ALPK1: variants seen among roughly 807,000 people sequenced by gnomAD.
The protein encoded by ALPK1 is alpha kinase 1.
Under a neutral mutation model 120.6 loss-of-function variants are expected in ALPK1, and 110 were observed. The observed-to-expected ratio is 0.91, with a 90% CI of 0.78 to 1.07. The LOEUF is 1.07. Ranked by LOEUF, ALPK1 falls within the 50% of genes least tolerant of loss-of-function variation. The pLI, the probability that ALPK1 is intolerant of heterozygous loss-of-function variation, is 0.00. For synonymous variants in ALPK1, 582 were observed against 560.3 expected, an observed-to-expected ratio of 1.04 and a Z score of -0.55; for missense variants, 1,498 against 1,483.9, an observed-to-expected ratio of 1.01 and a Z score of -0.16.
At chr4:112,362,224 C>T (rs950131664) in intron 2 of ALPK1, among the ~76,000 whole-genome samples, 1 of 152,124 alleles carries the variant, frequency 6.6e-6, no homozygotes, top group Non-Finnish European at 1.5e-5. Flanking sequence ...AGCAATGGAT[C>T]CAAACCAAGA....
rs751831746 is a variant in ALPK1, at chr4:112,432,421, G to A, written c.2874G>A (p.Trp958Ter). 2 of 1,614,132 alleles carry A rather than the reference G, an allele frequency of 1.2e-6. No homozygotes were observed. Among genetic ancestry groups the A allele is most frequent in the East Asian group, 4.5e-5 (2 of 44,876 alleles). ...WSYLNSSGSSWVSLPGKMRKE... is the reference protein window; with the variant it reads ...WSYLNSSGSS The stretch of plus-strand genomic sequence containing the variant: ...ATCTGAATTCCAGTGGGAGTTCTTG[G>A]GTTTCATTGCCGGGAAAGATGAGGA... The change falls in exon 11 of 16, where the codon TGG (tryptophan) becomes TGA (stop). Residue 958 changes from tryptophan to a stop codon, truncating the protein, a stop_gained. Coordinates refer to ENST00000650871, the MANE Select transcript of ALPK1 (RefSeq NM_025144.4). LOFTEE classifies it high-confidence loss of function.
chr4:112,425,485 G>C (rs1734194921), intron 6 of ALPK1, 180 bp from the exon 7 acceptor site: 1 of 474,696 alleles, frequency 2.1e-6, no homozygotes, highest in Non-Finnish European at 3.9e-6. Context: ...GACCAGACAG[G>C]AGTCAGTTCC....
intron 2 of ALPK1, chr4:112,316,273 A>G (rs762453245): frequency 6.6e-6 from 1 of 152,184 alleles, no homozygotes; most frequent in Non-Finnish European, 1.5e-5. Context: ...TAGGTACTTC[A>G]TATAAGTGAT....
chr4:112,327,125 T>C (rs1006545774), intron 2 of ALPK1, among the ~76,000 whole-genome samples: 2 of 152,126 alleles, frequency 1.3e-5, no homozygotes, highest in African/African-American at 4.8e-5. Flanking sequence ...AGGTTTGAAA[T>C]ATAGAAAAAT....
chr4:112,414,282 C>A, intron 5 of ALPK1: 1 of 496,114 alleles, frequency 2.0e-6, no homozygotes. Flanking sequence ...TCCAGCCAAA[C>A]ACTCAATGTA....
chr4:112,425,979 T>C (rs551709172), intron 7 of ALPK1: 29 of 377,886 alleles, frequency 7.7e-5, no homozygotes, highest in Non-Finnish European at 1.3e-4. Context: ...GGTTGTATAT[T>C]GTAATGTTAA....
At chr4:112,327,591 G>C (rs1361117185) in intron 2 of ALPK1, among the ~76,000 whole-genome samples, 1 of 151,976 alleles carries the variant, frequency 6.6e-6, no homozygotes. Flanking sequence ...GTGCACAACC[G>C]AGCCCTGATA....
chr4:112,299,712 G>A (rs560785774), intron 1 of ALPK1, among the ~76,000 whole-genome samples: 2 of 152,248 alleles, frequency 1.3e-5, no homozygotes, highest in African/African-American at 2.4e-5. Context: ...AAGTATAGAT[G>A]TACAAAGTAT....
chr4:112,399,206 C>A (rs1476357796), intron 4 of ALPK1, among the ~76,000 whole-genome samples: 1 of 152,170 alleles, frequency 6.6e-6, no homozygotes, highest in Non-Finnish European at 1.5e-5. Flanking sequence ...TCGCTAGGGC[C>A]TTCCTTGTTC....
chr4:112,348,308 C>T (rs1730184125), intron 2 of ALPK1, among the ~76,000 whole-genome samples: 1 of 152,190 alleles, frequency 6.6e-6, no homozygotes, highest in Non-Finnish European at 1.5e-5. Context: ...TAGAAGAAGG[C>T]CTGGTTTTCT....
In ALPK1 at chr4:112,357,402, A is replaced by T; in HGVS notation, c.-100-20276A>T. The T allele has an allele frequency of 2.5e-5, 17 of 692,224 alleles. No homozygotes were observed. The South Asian group carries it at 2.9e-4, about 12-fold the overall frequency. The allele number at this position is 692,224 out of a possible 1,614,324, so 42.9% of individuals were successfully genotyped here. A position where few individuals can be genotyped will look rare whatever the true frequency, so the allele number is the denominator to read the frequency against. On this transcript the variant is annotated intron_variant, in intron 2 of 15. Coordinates refer to ENST00000650871, the MANE Select transcript of ALPK1 (RefSeq NM_025144.4). Reference sequence around the variant, plus strand: ...GCCTATAAAGTGCACATCCATCCTGATGCCAGTCACCAGAGGGTGGTTCAG... The same window carrying T: ...GCCTATAAAGTGCACATCCATCCTGTTGCCAGTCACCAGAGGGTGGTTCAG...
intron 14 of ALPK1, among the ~76,000 whole-genome samples, 157 bp downstream of exon 14, chr4:112,440,029 C>T (rs1011044050): frequency 6.6e-6 from 1 of 152,054 alleles, no homozygotes; most frequent in Non-Finnish European, 1.5e-5. Flanking sequence ...CAAATAATTC[C>T]TGAAAGAAAA....
chr4:112,411,567 A>G lies in ALPK1; in HGVS notation c.277-260A>G, dbSNP rs1300959941. ...CGCTTTAGTATTGTTTGAGTTTTTAACAACGGGAAGTATGCATTTATCGCT... is the reference window on the plus strand; with the variant it reads ...CGCTTTAGTATTGTTTGAGTTTTTAGCAACGGGAAGTATGCATTTATCGCT... On this transcript the variant is annotated intron_variant, in intron 4 of 15. Transcript: ENST00000650871. 2.0e-5 allele frequency among the ~76,000 whole-genome samples: 3 copies of G among 152,172 alleles called. No homozygotes were observed. In the East Asian group the frequency reaches 5.8e-4, roughly 29 times the overall value.
At chr4:112,409,219 G>C (rs1196070515) in intron 4 of ALPK1, among the ~76,000 whole-genome samples, 5 of 152,086 alleles carry the variant, frequency 3.3e-5, no homozygotes, top group African/African-American at 9.7e-5. Flanking sequence ...TCTGGTCGTG[G>C]GGTGGAGAAA....
At chr4:112,336,580 G>T (rs1729631186) in intron 2 of ALPK1, among the ~76,000 whole-genome samples, 1 of 151,834 alleles carries the variant, frequency 6.6e-6, no homozygotes, top group Admixed American at 6.5e-5. Context: ...CCATTTTAAG[G>T]GTATAATTAA....
chr4:112,441,216 G>T lies in ALPK1; in HGVS notation c.*6G>T, dbSNP rs753574651. ...CTCTCCTTCCAGGCACATAGAATAC[G>T]GCACAGTCTGGTCCTTTGGGGCTTG... On this transcript the variant is annotated 3_prime_UTR_variant, in exon 16 of 16. Coordinates refer to ENST00000650871, the MANE Select transcript of ALPK1 (RefSeq NM_025144.4). 6.4e-7 allele frequency: 1 copy of T among 1,571,606 alleles called. No individual in the cohort carries two copies. Among genetic ancestry groups the T allele is most frequent in the Admixed American group, 1.7e-5 (1 of 59,954 alleles).
rs1734521244 is a variant in ALPK1, at chr4:112,431,023, T to C, written c.1476T>C (p.Ala492=). Residue 492 remains alanine, a synonymous_variant, in exon 11 of 16, where the codon GCT becomes GCC. Coordinates refer to ENST00000650871, the MANE Select transcript of ALPK1 (RefSeq NM_025144.4). ...CAAAAACAGGAGTCTGCATCACTGCTCTAAAAACAGAAATAAAAAACATAG... is the reference window on the plus strand; with the variant it reads ...CAAAAACAGGAGTCTGCATCACTGCCCTAAAAACAGAAATAAAAAACATAG... ...KDAKTGVCIT[A]LKTEIKNIDT... is the part of the protein sequence containing the mutation. 3.7e-6 allele frequency: 6 copies of C among 1,613,172 alleles called. 1 individual carries two copies. The Middle Eastern group carries it at 8.3e-4, about 222-fold the overall frequency.
chr4:112,358,977 T>A, intron 2 of ALPK1: 2 of 768,080 alleles, frequency 2.6e-6, no homozygotes, highest in South Asian at 1.3e-5. Context: ...CAAGCAGCAG[T>A]TTGAGGAGGT....
At chr4:112,335,171 G>A (rs552371706) in intron 2 of ALPK1, among the ~76,000 whole-genome samples, 3 of 151,768 alleles carry the variant, frequency 2.0e-5, no homozygotes, top group African/African-American at 7.3e-5. Context: ...CAGGAGAATC[G>A]CTTGAATCCG....
Sources: gnomAD v4.1 joint callset for allele counts (sites outside exome capture counted in the v4.1 genomes callset) on GRCh38, gnomAD v4.1.1 for gene constraint, MANE v1.5 for transcripts, NCBI Gene and HGNC (gene_info 2026-07-23, HGNC 2026-07-21) for gene names.